Variants in DENND5B observed in about 807,000 individuals in gnomAD.
The protein encoded by DENND5B is DENN domain-containing protein 5B.
Under a neutral mutation model 140.6 loss-of-function variants are expected in DENND5B, and 34 were observed. The observed-to-expected ratio is 0.24, with a 90% CI of 0.18 to 0.32. The LOEUF is 0.32. DENND5B is among the 10% of genes least tolerant of loss of function. The pLI, the probability that DENND5B is intolerant of heterozygous loss-of-function variation, is 1.00. For missense variants in DENND5B, 1,142 were observed against 1,560.2 expected, an observed-to-expected ratio of 0.73 and a Z score of 4.52; for synonymous variants, 551 against 562.1, an observed-to-expected ratio of 0.98 and a Z score of 0.28.
chr12:31,522,997 C>A (rs1226686702), intron 1 of DENND5B, among the ~76,000 whole-genome samples: 1 of 151,520 alleles, frequency 6.6e-6, no homozygotes, highest in East Asian at 1.9e-4. Flanking sequence ...ATGGGAGATT[C>A]CCTGAGGATG....
rs376506006 is a variant in DENND5B, at chr12:31,398,284, T to C, written c.3147A>G (p.Thr1049=). Residue 1049 remains threonine, a synonymous_variant, in exon 17 of 21, where the codon ACA becomes ACG. Coordinates refer to ENST00000389082, the MANE Select transcript of DENND5B (RefSeq NM_144973.4). ...TTACTAGATCTTCATCTGATGCTGATGTCATCAACTCTCCAATAAGAATTC... is the reference window on the plus strand; with the variant it reads ...TTACTAGATCTTCATCTGATGCTGACGTCATCAACTCTCCAATAAGAATTC... The part of the protein sequence containing the change: ...LERILIGELM[T]SASDEDLVKQ... The C allele has an allele frequency of 2.6e-6, 4 of 1,564,990 alleles. No homozygotes were observed. The highest frequency in any genetic ancestry group is 3.5e-6 in the Non-Finnish European group (4 of 1,153,968).
chr12:31,440,951 G>T (rs1428577187), intron 7 of DENND5B, among the ~76,000 whole-genome samples: 3 of 152,180 alleles, frequency 2.0e-5, no homozygotes, highest in Non-Finnish European at 4.4e-5. Context: ...GGCCAGGCTG[G>T]TCTTTAACTC....
At chr12:31,584,778 C>G (rs1043204521) in intron 1 of DENND5B, among the ~76,000 whole-genome samples, 1 of 152,126 alleles carries the variant, frequency 6.6e-6, no homozygotes, top group Non-Finnish European at 1.5e-5. Flanking sequence ...AATAAGCCAA[C>G]ATTGCACCAC....
At chr12:31,469,256 C>G (rs1342586706) in intron 3 of DENND5B, among the ~76,000 whole-genome samples, 1 of 150,670 alleles carries the variant, frequency 6.6e-6, no homozygotes, top group Non-Finnish European at 1.5e-5. Context: ...ATCACCTGAA[C>G]CTGGAGGCAA....
At chr12:31,545,946 G>C (rs996729624) in intron 1 of DENND5B, among the ~76,000 whole-genome samples, 4 of 6,254 alleles carry the variant, frequency 6.4e-4, no homozygotes, top group African/African-American at 5.2e-3. Flanking sequence ...GTAAGACACT[G>C]TCTCAAAAAA....
At chr12:31,532,890 C>T (rs1233458828) in intron 1 of DENND5B, among the ~76,000 whole-genome samples, 2 of 152,100 alleles carry the variant, frequency 1.3e-5, no homozygotes, top group Non-Finnish European at 2.9e-5. Context: ...AAAAGGTTCC[C>T]GTGGGACCAG....
At chr12:31,438,127 C>T (rs533071581) in intron 7 of DENND5B, among the ~76,000 whole-genome samples, 3 of 152,300 alleles carry the variant, frequency 2.0e-5, no homozygotes, top group African/African-American at 7.2e-5. Flanking sequence ...AGGCTCCAGC[C>T]ACCGTGCCCG....
chr12:31,399,199 CA>C (rs1220355296), intron 16 of DENND5B, among the ~76,000 whole-genome samples: 1,040 of 52,084 alleles, frequency 0.02, 17 homozygotes, highest in African/African-American at 0.06. Context: ...ATGACATAAA[CA>C]AAAAAAAAAT....
intron 7 of DENND5B, among the ~76,000 whole-genome samples, chr12:31,440,222 C>T (rs1336516231): frequency 6.6e-6 from 1 of 151,890 alleles, no homozygotes; most frequent in African/African-American, 2.4e-5. Context: ...ATTATGTTGC[C>T]TATGCTGGAG....
intron 2 of DENND5B, among the ~76,000 whole-genome samples, chr12:31,495,337 C>A (rs1456383947): frequency 2.6e-5 from 4 of 151,768 alleles, no homozygotes; most frequent in Admixed American, 1.3e-4. Flanking sequence ...CTTCTCTGAG[C>A]TTCTGCTTCC....
chr12:31,566,391 T>G (rs1949632854), intron 1 of DENND5B, among the ~76,000 whole-genome samples: 1 of 151,212 alleles, frequency 6.6e-6, no homozygotes, highest in Non-Finnish European at 1.5e-5. Context: ...AATACTTTTA[T>G]TATTGTTATT....
intron 1 of DENND5B, among the ~76,000 whole-genome samples, chr12:31,571,439 CTCTT>C (rs1448117759): frequency 1.3e-5 from 2 of 152,044 alleles, no homozygotes; most frequent in African/African-American, 2.4e-5. Context: ...TTCAAAGCTA[CTCTT>C]TCTTTTCTCA....
At chr12:31,516,844 T>C (rs751169038) in intron 1 of DENND5B, among the ~76,000 whole-genome samples, 2 of 152,008 alleles carry the variant, frequency 1.3e-5, no homozygotes, top group Non-Finnish European at 2.9e-5. Flanking sequence ...GAGACTGAAG[T>C]GGGAGGGCTG....
chr12:31,514,627 C>T (rs1041849119), intron 1 of DENND5B, among the ~76,000 whole-genome samples: 2 of 151,660 alleles, frequency 1.3e-5, no homozygotes, highest in African/African-American at 4.9e-5. Context: ...ACCAGCCTGG[C>T]CAACATGGTA....
At chr12:31,524,877 C>T (rs548737208) in intron 1 of DENND5B, among the ~76,000 whole-genome samples, 65 of 152,306 alleles carry the variant, frequency 4.3e-4, no homozygotes, top group Non-Finnish European at 7.9e-4. Flanking sequence ...ATTTCTCAGG[C>T]CTTTGTCCCT....
chr12:31,430,004 C>T (rs1943437695), intron 8 of DENND5B, among the ~76,000 whole-genome samples: 1 of 151,540 alleles, frequency 6.6e-6, no homozygotes, highest in South Asian at 2.1e-4. Flanking sequence ...ACCGCCCAGC[C>T]TGAATACTTT....
rs550841634 is a variant in DENND5B at position 31,447,868 on chromosome 12, A to G, written c.1630-99T>C. 9.5e-4 allele frequency: 801 copies of G among 844,372 alleles called. 1 individual carries two copies. Among genetic ancestry groups the G allele is most frequent in the Non-Finnish European group, 1.3e-3 (747 of 554,256 alleles). The allele number at this position is 844,372 out of a possible 1,614,324, so 52.3% of individuals were successfully genotyped here. A position where few individuals can be genotyped will look rare whatever the true frequency, so the allele number is the denominator to read the frequency against. Reference sequence around the variant, plus strand: ...TGTTAACTCAGGACATTCCTTTTTTAAATCTTATAAAACTGACACTTGAAA... The same window carrying G: ...TGTTAACTCAGGACATTCCTTTTTTGAATCTTATAAAACTGACACTTGAAA... On this transcript the variant is annotated intron_variant, in intron 5 of 20. Transcript: ENST00000389082.
intron 1 of DENND5B, among the ~76,000 whole-genome samples, chr12:31,519,105 G>C (rs1947786547): frequency 6.6e-6 from 1 of 152,150 alleles, no homozygotes; most frequent in South Asian, 2.1e-4. Flanking sequence ...TTATCCTGTG[G>C]AAATGACTTC....
At chr12:31,570,127 G>A (rs147519736) in intron 1 of DENND5B, among the ~76,000 whole-genome samples, 3 of 144,912 alleles carry the variant, frequency 2.1e-5, no homozygotes, top group East Asian at 4.2e-4. Flanking sequence ...CCCGGGAGGT[G>A]GAGGTTGCAG....
Sources: gnomAD v4.1 joint callset for allele counts (sites outside exome capture counted in the v4.1 genomes callset) on GRCh38, gnomAD v4.1.1 for gene constraint, MANE v1.5 for transcripts, NCBI Gene and HGNC (gene_info 2026-07-23, HGNC 2026-07-21) for gene names.